The following GPI variants were observed in gnomAD, a reference collection of about 807,000 sequenced individuals.
GPI encodes glucose-6-phosphate isomerase.
In GPI, 56 loss-of-function variants were observed where a neutral mutation model predicts 75.8. That is an observed-to-expected ratio of 0.74 (90% CI 0.60 to 0.92). The LOEUF (loss-of-function observed/expected upper bound fraction) is 0.92. GPI is among the 40% of genes least tolerant of loss of function. The probability of loss-of-function intolerance (pLI) is 0.00; values close to 1 mark genes in which losing one functional copy is unlikely to be tolerated. For missense variants in GPI, 638 were observed against 741.0 expected (o/e 0.86, Z 1.61); for synonymous variants, 288 against 285.4 (o/e 1.01, Z -0.09).
In GPI at chr19:34,400,436, A is replaced by G. The variant is rs894269206; in HGVS notation, c.*400A>G. The G allele has an allele frequency of 5.1e-6, 3 of 586,188 alleles. No homozygotes were observed. The highest frequency in any genetic ancestry group is 1.9e-5 in the African/African-American group (1 of 53,744). 36.3% of individuals were successfully genotyped at this position (586,188 alleles called of 1,614,324 possible). The stretch of plus-strand genomic sequence containing the variant: ...GGCTGTGCCTCTGCGGACACTTAAC[A>G]CTAAGTGGTGAGCGGGTCTAGAGTG... On this transcript the variant is annotated 3_prime_UTR_variant, in exon 18 of 18. Transcript: ENST00000356487.
chr19:34,399,193 G>GTC lies in GPI; in HGVS notation c.1270-11_1270-10dup. 1 of 1,610,670 alleles carries GTC rather than the reference G, an allele frequency of 6.2e-7. No individual in the cohort carries two copies. Among genetic ancestry groups the GTC allele is most frequent in the South Asian group, 1.1e-5 (1 of 90,882 alleles). On this transcript the variant is annotated splice_polypyrimidine_tract_variant and intron_variant, in intron 14 of 17. Coordinates refer to ENST00000356487, the MANE Select transcript of GPI (RefSeq NM_000175.5). ...GACAGTGCTCTCAAGCATAACTGAT[G>GTC]TCTCGCTCATCAGATCCTCCTGGCC...
Position 34,400,479 on chromosome 19 carries a change from A to C in GPI, c.*443A>C. On this transcript the variant is annotated 3_prime_UTR_variant, in exon 18 of 18. Coordinates refer to ENST00000356487, the MANE Select transcript of GPI (RefSeq NM_000175.5). ...CTAGAGTGGAGCAAGGTGCCCTGAG[A>C]AGACAATAGTGGGGTGGGGGCACAA... The C allele has an allele frequency of 3.7e-6, 2 of 534,994 alleles. No homozygotes were observed. The highest frequency in any genetic ancestry group is 3.1e-5 in the South Asian group (1 of 32,474). 33.1% of individuals were successfully genotyped at this position (534,994 alleles called of 1,614,324 possible).
At chr19:34,366,184 G>T in intron 1 of GPI, 161 bp from the exon 2 acceptor site, 1 of 706,302 alleles carries the variant, frequency 1.4e-6, no homozygotes, top group South Asian at 1.5e-5. Context: ...TCATCCTGGT[G>T]GGCCAGCAGG....
chr19:34,368,449 T>C, intron 3 of GPI, 134 bp from the exon 4 acceptor site: 1 of 901,642 alleles, frequency 1.1e-6, no homozygotes. Flanking sequence ...GGAACAAGGT[T>C]ATGGTGCTAA....
At chr19:34,390,996 A>C (rs2074818098) in intron 9 of GPI, among the ~76,000 whole-genome samples, 1 of 148,244 alleles carries the variant, frequency 6.7e-6, no homozygotes, top group Admixed American at 6.7e-5. Flanking sequence ...CTGAGTAGGT[A>C]GCACCTGGCA....
chr19:34,379,589 T>A, intron 8 of GPI, 27 bp downstream of exon 8: 1 of 1,596,838 alleles, frequency 6.3e-7, no homozygotes, highest in Admixed American at 1.7e-5. Context: ...TCCCCTGTAC[T>A]GCCTTCCTGG....
chr19:34,365,016 A>G (rs1285972073), upstream of GPI: 2 of 1,529,450 alleles, frequency 1.3e-6, no homozygotes, highest in African/African-American at 1.4e-5. Flanking sequence ...CGGCGGCGCA[A>G]GAGGTAGGGA....
At chr19:34,380,936 T>G in intron 8 of GPI, 1 of 240,584 alleles carries the variant, frequency 4.2e-6, no homozygotes, top group East Asian at 1.0e-4. Flanking sequence ...GGTAAGGAAT[T>G]GCTGGCCCTG....
At chr19:34,380,001 T>TG in intron 8 of GPI, 1 of 209,674 alleles carries the variant, frequency 4.8e-6, no homozygotes, top group Non-Finnish European at 9.3e-6. Flanking sequence ...TTTTTTTTTT[T>TG]TTTTTTTTTT....
At chr19:34,373,082 T>G (rs1182796320) in intron 4 of GPI, among the ~76,000 whole-genome samples, 1 of 151,946 alleles carries the variant, frequency 6.6e-6, no homozygotes, top group Non-Finnish European at 1.5e-5. Flanking sequence ...TATTTTTTTT[T>G]TTTAATTAAA....
intron 1 of GPI, 181 bp from the exon 2 acceptor site, chr19:34,366,164 C>A: frequency 2.9e-6 from 2 of 700,340 alleles, no homozygotes; most frequent in Non-Finnish European, 5.2e-6. Context: ...CTCTGGGCTG[C>A]TGTTGCAGAT....
intron 9 of GPI, among the ~76,000 whole-genome samples, chr19:34,387,967 C>T (rs990977026): frequency 6.6e-6 from 1 of 152,056 alleles, no homozygotes; most frequent in Non-Finnish European, 1.5e-5. Context: ...AAGGGAAAGC[C>T]GTAGTCATTG....
At chr19:34,366,052 C>A (rs1400270404) in intron 1 of GPI, 1 of 632,510 alleles carries the variant, frequency 1.6e-6, no homozygotes. Flanking sequence ...GAGTAACTTA[C>A]GGCAGAAAGT....
At chr19:34,388,467 AC>A (rs1208719984) in intron 9 of GPI, among the ~76,000 whole-genome samples, 2 of 140,200 alleles carry the variant, frequency 1.4e-5, no homozygotes, top group African/African-American at 5.8e-5. Flanking sequence ...AGAGTGAGAG[AC>A]CCTGTCTCAA....
At chr19:34,364,347 G>C (rs2074322920), upstream of GPI, among the ~76,000 whole-genome samples, 1 of 150,856 alleles carries the variant, frequency 6.6e-6, no homozygotes, top group African/African-American at 2.4e-5. Context: ...AAGGTCTTAC[G>C]TGATCTTGTT....
chr19:34,376,658 G>A (rs1005633387), intron 4 of GPI, among the ~76,000 whole-genome samples: 2 of 151,808 alleles, frequency 1.3e-5, no homozygotes, highest in African/African-American at 2.4e-5. Flanking sequence ...GCAGTGTTGC[G>A]ATCTTGGCTT....
upstream of GPI, among the ~76,000 whole-genome samples, chr19:34,363,082 C>T (rs1415240129): frequency 6.6e-6 from 1 of 151,766 alleles, no homozygotes; most frequent in Non-Finnish European, 1.5e-5. Context: ...CCCAAGGATT[C>T]GAGACTAGCC....
chr19:34,388,625 T>C (rs760076341), intron 9 of GPI, among the ~76,000 whole-genome samples: 1 of 151,960 alleles, frequency 6.6e-6, no homozygotes, highest in Non-Finnish European at 1.5e-5. Flanking sequence ...CCACTGCACT[T>C]AAAGGTGAGG....
At position 34,383,867 on chromosome 19, in the gene GPI, C is replaced by T. The variant is rs563841313; in HGVS notation, c.804+2348C>T. On this transcript the variant is annotated intron_variant, in intron 9 of 17. Coordinates refer to ENST00000356487, the MANE Select transcript of GPI (RefSeq NM_000175.5). The stretch of plus-strand genomic sequence containing the variant: ...GTCAACACTGGGCTCTCACCAGGCT[C>T]CCTCAGGCCGAGGTCAGCAGCCAGG... Among the ~76,000 whole-genome samples, 16 of 152,290 alleles carry T rather than the reference C, an allele frequency of 1.1e-4. No homozygotes were observed. The East Asian group carries it at 2.9e-3, about 28-fold the overall frequency.
Sources: gnomAD v4.1 joint callset for allele counts (sites outside exome capture counted in the v4.1 genomes callset) on GRCh38, gnomAD v4.1.1 for gene constraint, MANE v1.5 for transcripts, NCBI Gene and HGNC (gene_info 2026-07-23, HGNC 2026-07-21) for gene names.